Variants in ARL15 observed in about 807,000 individuals in gnomAD.
ARL15 encodes the protein ADP-ribosylation factor-like protein 15.
In ARL15, 19 loss-of-function variants were observed where a neutral mutation model predicts 25.2. The ratio of observed to expected loss-of-function variants is 0.75; its 90% confidence interval spans 0.53 to 1.10. ARL15 has a LOEUF of 1.10. ARL15 is among the 50% of genes least tolerant of loss of function. The pLI is 0.00. For missense variants in ARL15, 220 were observed against 246.0 expected (o/e 0.89, Z 0.71); for synonymous variants, 94 against 86.8 (o/e 1.08, Z -0.46).
intron 1 of ARL15, among the ~76,000 whole-genome samples, chr5:54,177,016 T>C (rs1488160236): frequency 6.6e-6 from 1 of 152,104 alleles, no homozygotes; most frequent in Non-Finnish European, 1.5e-5. Flanking sequence ...ACTCCCCTGG[T>C]AGCAGCAAAT....
chr5:54,052,516 T>C (rs2111992642), intron 4 of ARL15, among the ~76,000 whole-genome samples: 1 of 152,292 alleles, frequency 6.6e-6, no homozygotes, highest in African/African-American at 2.4e-5. Flanking sequence ...AACCATTATA[T>C]ATGTATACTA....
intron 1 of ARL15, among the ~76,000 whole-genome samples, chr5:54,263,156 A>G (rs1270772907): frequency 6.6e-6 from 1 of 152,154 alleles, no homozygotes; most frequent in African/African-American, 2.4e-5. Context: ...TTAAAGTATA[A>G]TCACAGGCTG....
At chr5:54,294,007 G>A (rs887884196) in intron 1 of ARL15, among the ~76,000 whole-genome samples, 2 of 152,062 alleles carry the variant, frequency 1.3e-5, no homozygotes, top group Admixed American at 6.5e-5. Context: ...TTGTATTTTA[G>A]TTTCACCATG....
At chr5:54,112,822 C>T (rs1752779928) in intron 4 of ARL15, among the ~76,000 whole-genome samples, 1 of 152,086 alleles carries the variant, frequency 6.6e-6, no homozygotes, top group East Asian at 1.9e-4. Context: ...GAACATGACA[C>T]CTGAAGGCGA....
intron 2 of ARL15, among the ~76,000 whole-genome samples, chr5:54,156,995 C>A (rs185478154): frequency 1.3e-5 from 2 of 152,160 alleles, no homozygotes; most frequent in East Asian, 3.8e-4. Context: ...CTACCTCACA[C>A]GGGTGTTATA....
chr5:53,942,783 G>A (rs1316303917), intron 4 of ARL15, among the ~76,000 whole-genome samples: 7 of 152,036 alleles, frequency 4.6e-5, no homozygotes, highest in African/African-American at 1.7e-4. Context: ...CATGGGAAAG[G>A]TGAGATGACC....
Position 54,145,846 on chromosome 5 carries a change from T to C in ARL15, c.253+8734A>G, listed in dbSNP as rs144167012. On this transcript the variant is annotated intron_variant, in intron 3 of 4. Transcript: ENST00000504924. Reference sequence around the variant, plus strand: ...TTGAAACTGCTGAGATATTTTATACTATAGTACAGTGAACCCTTAAGATTA... The same window carrying C: ...TTGAAACTGCTGAGATATTTTATACCATAGTACAGTGAACCCTTAAGATTA... 1.1e-3 allele frequency among the ~76,000 whole-genome samples: 160 copies of C among 152,374 alleles called. 1 individual carries two copies. The highest frequency in any genetic ancestry group is 3.5e-3 in the African/African-American group (147 of 41,590).
chr5:53,999,640 C>T (rs191485284), intron 4 of ARL15, among the ~76,000 whole-genome samples: 43 of 149,600 alleles, frequency 2.9e-4, no homozygotes, highest in Admixed American at 1.0e-3. Context: ...AGGCTGGGTG[C>T]GGTGGCTCAC....
intron 1 of ARL15, among the ~76,000 whole-genome samples, chr5:54,182,444 A>G (rs2112432822): frequency 6.6e-6 from 1 of 151,010 alleles, no homozygotes; most frequent in East Asian, 2.0e-4. Flanking sequence ...GGTTTGTCAA[A>G]GATCAGATAG....
chr5:53,991,563 G>GAAAAAAA (rs771075344), intron 4 of ARL15, among the ~76,000 whole-genome samples: 12 of 127,916 alleles, frequency 9.4e-5, no homozygotes, highest in East Asian at 2.3e-4. Context: ...AAAAAAAAAG[G>GAAAAAAA]GGGGGCGGGG....
At chr5:54,271,954 T>A (rs1296622550) in intron 1 of ARL15, among the ~76,000 whole-genome samples, 1 of 149,788 alleles carries the variant, frequency 6.7e-6, no homozygotes, top group Non-Finnish European at 1.5e-5. Flanking sequence ...TTAAATTGGT[T>A]TTTTTAAGAC....
At chr5:53,932,525 CG>C (rs1448060695) in intron 4 of ARL15, among the ~76,000 whole-genome samples, 1 of 152,164 alleles carries the variant, frequency 6.6e-6, no homozygotes, top group Non-Finnish European at 1.5e-5. Flanking sequence ...ACCTTCTAAG[CG>C]GATCACCATC....
At chr5:54,113,073 A>ATC in intron 4 of ARL15, 129 bp downstream of exon 4, 1 of 901,744 alleles carries the variant, frequency 1.1e-6, no homozygotes, top group Non-Finnish European at 1.7e-6. Context: ...CTTCCTATGA[A>ATC]AACTAAGGTT....
chr5:54,151,580 A>AT (rs1295550873), intron 3 of ARL15, among the ~76,000 whole-genome samples: 1 of 152,170 alleles, frequency 6.6e-6, no homozygotes, highest in African/African-American at 2.4e-5. Context: ...AATTTTAAGA[A>AT]TTTTTCAGGA....
At chr5:54,250,324 C>A (rs532946261) in intron 1 of ARL15, among the ~76,000 whole-genome samples, 147 of 152,274 alleles carry the variant, frequency 9.7e-4, no homozygotes, top group African/African-American at 3.4e-3. Context: ...AGGAACCACA[C>A]TTCAACATGA....
intron 1 of ARL15, among the ~76,000 whole-genome samples, chr5:54,179,125 T>C (rs1173005447): frequency 1.3e-5 from 2 of 152,180 alleles, no homozygotes; most frequent in African/African-American, 4.8e-5. Context: ...CCTGAGCTGT[T>C]TTCCAAACTT....
intron 4 of ARL15, among the ~76,000 whole-genome samples, chr5:54,084,608 G>A (rs529939658): frequency 1.3e-5 from 2 of 152,242 alleles, no homozygotes; most frequent in South Asian, 4.1e-4. Flanking sequence ...GATGCACAAA[G>A]TTGTGGGGAG....
chr5:54,020,435 T>G (rs944398665), intron 4 of ARL15, among the ~76,000 whole-genome samples: 32 of 152,224 alleles, frequency 2.1e-4, no homozygotes, highest in South Asian at 4.2e-4. Context: ...CAAGCAATAA[T>G]GAGGTATGCC....
At chr5:54,245,767 T>C (rs1757072288) in intron 1 of ARL15, among the ~76,000 whole-genome samples, 1 of 152,096 alleles carries the variant, frequency 6.6e-6, no homozygotes, top group Non-Finnish European at 1.5e-5. Flanking sequence ...TTTGTATTTA[T>C]AGTAGAGCCG....
Sources: allele counts gnomAD v4.1 joint callset (sites outside exome capture counted in the v4.1 genomes callset), GRCh38; gene constraint gnomAD v4.1.1; transcripts MANE v1.5; gene names NCBI Gene and HGNC (gene_info 2026-07-23, HGNC 2026-07-21).